NELL2: variants seen among roughly 807,000 people sequenced by gnomAD.
NELL2 encodes the protein protein kinase C-binding protein NELL2.
NELL2 carries 41 observed loss-of-function variants against 109.6 expected under a neutral mutation model. The observed-to-expected ratio is 0.37, with a 90% CI of 0.29 to 0.49. The LOEUF is 0.49. Among genes scored for constraint, NELL2 ranks in the 20% least tolerant of loss-of-function variants. The pLI is 0.98. For synonymous variants in NELL2, 355 were observed against 344.7 expected (o/e 1.03, Z -0.33); for missense variants, 900 against 1,008.3 (o/e 0.89, Z 1.45).
chr12:44,589,603 T>A (rs958528931), intron 15 of NELL2, among the ~76,000 whole-genome samples: 1 of 152,134 alleles, frequency 6.6e-6, no homozygotes, highest in African/African-American at 2.4e-5. Flanking sequence ...ATGGTTTCAA[T>A]CTCTTAACCT....
chr12:44,559,323 T>C (rs970232216), intron 15 of NELL2, among the ~76,000 whole-genome samples: 1 of 152,172 alleles, frequency 6.6e-6, no homozygotes, highest in Non-Finnish European at 1.5e-5. Flanking sequence ...AATTCACACA[T>C]AACAATATTA....
At chr12:44,782,583 A>G (rs1942004813) in intron 3 of NELL2, among the ~76,000 whole-genome samples, 1 of 151,948 alleles carries the variant, frequency 6.6e-6, no homozygotes, top group Non-Finnish European at 1.5e-5. Flanking sequence ...AATCAAAGGA[A>G]AGCAGAAATG....
chr12:44,707,042 T>G (rs1201864745), intron 11 of NELL2, among the ~76,000 whole-genome samples: 1 of 152,208 alleles, frequency 6.6e-6, no homozygotes, highest in East Asian at 1.9e-4. Flanking sequence ...AATAATTTTG[T>G]GGTGAATATT....
chr12:44,569,955 G>C (rs899735774), intron 15 of NELL2, among the ~76,000 whole-genome samples: 1 of 150,230 alleles, frequency 6.7e-6, no homozygotes, highest in Non-Finnish European at 1.5e-5. Flanking sequence ...CAGCAGATAA[G>C]TTCTTCTCTA....
intron 2 of NELL2, among the ~76,000 whole-genome samples, chr12:44,846,268 C>T (rs1944366968): frequency 6.6e-6 from 1 of 152,158 alleles, no homozygotes; most frequent in Non-Finnish European, 1.5e-5. Context: ...TCTTTGGAGC[C>T]ATCGTAGTTA....
At chr12:44,735,931 T>G (rs1292623024) in intron 9 of NELL2, among the ~76,000 whole-genome samples, 1 of 150,038 alleles carries the variant, frequency 6.7e-6, no homozygotes, top group Non-Finnish European at 1.5e-5. Flanking sequence ...TGGTGAAAAC[T>G]AAGAGACTCA....
At chr12:44,569,957 T>G (rs1027750529) in intron 15 of NELL2, among the ~76,000 whole-genome samples, 13 of 150,208 alleles carry the variant, frequency 8.7e-5, no homozygotes, top group Non-Finnish European at 1.6e-4. Flanking sequence ...GCAGATAAGT[T>G]CTTCTCTATA....
At chr12:44,657,166 G>A (rs1314619030) in intron 13 of NELL2, among the ~76,000 whole-genome samples, 4 of 152,086 alleles carry the variant, frequency 2.6e-5, no homozygotes, top group Non-Finnish European at 4.4e-5. Context: ...AATCAATAGT[G>A]ATGAGGAAAA....
intron 12 of NELL2, among the ~76,000 whole-genome samples, chr12:44,694,690 T>C (rs1313374372): frequency 2.0e-5 from 3 of 151,972 alleles, no homozygotes. Context: ...TGACAGTGTC[T>C]GCTCGAGTTC....
chr12:44,619,228 T>C (rs1945950871), intron 13 of NELL2, among the ~76,000 whole-genome samples: 1 of 151,830 alleles, frequency 6.6e-6, no homozygotes, highest in Admixed American at 6.6e-5. Flanking sequence ...AAGCATGGGG[T>C]ATAAAAAGGC....
Position 44,523,445 on chromosome 12 carries a change from T to C in NELL2, c.1844A>G (p.Asn615Ser), listed in dbSNP as rs768156247. ...ATCCAAATTGAAGCAAATGGTATCA[T>C]TGGCACAGCTGTGCCTCCCGGTCCC... is the stretch of plus-strand genomic sequence containing the variant. ...ECGTGRHSCA[N>S]DTICFNLDGG... Residue 615 changes from asparagine to serine, a missense_variant, in exon 17 of 20, where the codon AAT becomes AGT. Asn to Ser is a conservative substitution (Grantham distance 46, BLOSUM62 1). This residue lies in a region of NELL2 where 333 missense variants were observed against 432.3 expected (regional missense o/e 0.77). Coordinates refer to ENST00000429094, the MANE Select transcript of NELL2 (RefSeq NM_001145108.2). 18 of 1,614,020 alleles carry C rather than the reference T, an allele frequency of 1.1e-5. No individual in the cohort carries two copies. The highest frequency in any genetic ancestry group is 8.8e-5 in the South Asian group (8 of 91,072).
chr12:44,682,262 G>GT (rs1036058639), intron 12 of NELL2, among the ~76,000 whole-genome samples: 3 of 150,680 alleles, frequency 2.0e-5, no homozygotes, highest in Non-Finnish European at 4.4e-5. Context: ...TTTTGATGGG[G>GT]TTTTTTGTTT....
intron 12 of NELL2, among the ~76,000 whole-genome samples, chr12:44,689,201 C>G (rs774920064): frequency 6.6e-6 from 1 of 152,146 alleles, no homozygotes; most frequent in Non-Finnish European, 1.5e-5. Context: ...TGGGCCTTTT[C>G]CATGTACTCT....
intron 9 of NELL2, among the ~76,000 whole-genome samples, chr12:44,733,392 C>T (rs924158060): frequency 2.6e-5 from 4 of 151,826 alleles, no homozygotes; most frequent in Non-Finnish European, 5.9e-5. Flanking sequence ...TGAAGGAAAT[C>T]ATGTCATATG....
intron 9 of NELL2, among the ~76,000 whole-genome samples, chr12:44,773,040 T>G (rs777309166): frequency 6.6e-6 from 1 of 152,244 alleles, no homozygotes; most frequent in African/African-American, 2.4e-5. Flanking sequence ...AAGATGAGAA[T>G]TGAAATTCAC....
chr12:44,858,452 C>T (rs916577137), intron 2 of NELL2, among the ~76,000 whole-genome samples: 2 of 152,144 alleles, frequency 1.3e-5, no homozygotes, highest in South Asian at 2.1e-4. Flanking sequence ...TTAGCAGAGG[C>T]GTCATCAAAA....
chr12:44,551,973 C>T (rs1378310521), intron 15 of NELL2, among the ~76,000 whole-genome samples: 1 of 152,120 alleles, frequency 6.6e-6, no homozygotes, highest in South Asian at 2.1e-4. Context: ...AAACACAGGT[C>T]GTGCATGTAG....
chr12:44,702,159 A>G (rs777696100), intron 12 of NELL2, among the ~76,000 whole-genome samples: 1 of 152,088 alleles, frequency 6.6e-6, no homozygotes, highest in African/African-American at 2.4e-5. Context: ...CACTCTGAAT[A>G]AATCCCCAGC....
chr12:44,750,150 C>T (rs76775345), intron 9 of NELL2, among the ~76,000 whole-genome samples: 4,394 of 152,186 alleles, frequency 0.029, 80 homozygotes, highest in Middle Eastern at 0.061. Flanking sequence ...GAAAACCACC[C>T]AGCAGAGATT....
Sources: allele counts gnomAD v4.1 joint callset (sites outside exome capture counted in the v4.1 genomes callset), GRCh38; gene constraint gnomAD v4.1.1; regional missense constraint gnomAD v4.1.1; transcripts MANE v1.5; gene names NCBI Gene and HGNC (gene_info 2026-07-23, HGNC 2026-07-21).